Variants in CHN2 observed in about 807,000 individuals in gnomAD.
CHN2 encodes the protein chimerin 2.
In CHN2, 35 loss-of-function variants were observed where a neutral mutation model predicts 56.3. The ratio of observed to expected loss-of-function variants is 0.62; its 90% CI spans 0.47 to 0.82. CHN2 has a LOEUF of 0.82. Ranked by LOEUF, CHN2 falls within the 40% of genes least tolerant of loss-of-function variation. The pLI is 0.00. For missense variants in CHN2, 491 were observed against 580.5 expected, an observed-to-expected ratio of 0.85 and a Z score of 1.58; for synonymous variants, 210 against 212.8, an observed-to-expected ratio of 0.99 and a Z score of 0.12.
intron 1 of CHN2, among the ~76,000 whole-genome samples, chr7:29,302,323 C>G (rs1793751987): frequency 6.6e-6 from 1 of 151,404 alleles, no homozygotes; most frequent in African/African-American, 2.4e-5. Context: ...TTCCTTCCTT[C>G]TTTCTTCGTA....
At chr7:29,295,134 A>G (rs1176976570) in intron 1 of CHN2, among the ~76,000 whole-genome samples, 1 of 152,228 alleles carries the variant, frequency 6.6e-6, no homozygotes, top group African/African-American at 2.4e-5. Flanking sequence ...TGTAAATGCT[A>G]TGTAAATAGT....
intron 2 of CHN2, among the ~76,000 whole-genome samples, chr7:29,175,955 G>A (rs1441973401): frequency 6.6e-6 from 1 of 152,144 alleles, no homozygotes; most frequent in African/African-American, 2.4e-5. Flanking sequence ...GGGAGGCCGA[G>A]GCGGGAAGAT....
At position 29,451,033 on chromosome 7, in the gene CHN2, T is replaced by C. The variant is rs948033764; in HGVS notation, c.577-29246T>C. 2.3e-4 allele frequency among the ~76,000 whole-genome samples: 35 copies of C among 152,252 alleles called. 1 individual carries two copies. Among genetic ancestry groups the C allele is most frequent in the Middle Eastern group, 6.8e-3 (2 of 294 alleles). On this transcript the variant is annotated intron_variant, in intron 6 of 12. Transcript: ENST00000222792. ...ATCTACCCACCTCGGCCTCCCAAAGTGCTGGGATTATAGGCGTGAGCCATC... is the reference window on the plus strand; with the variant it reads ...ATCTACCCACCTCGGCCTCCCAAAGCGCTGGGATTATAGGCGTGAGCCATC...
intron 1 of CHN2, among the ~76,000 whole-genome samples, chr7:29,280,256 C>CAT (rs1791582941): frequency 1.3e-5 from 2 of 151,812 alleles, no homozygotes; most frequent in Non-Finnish European, 2.9e-5. Context: ...TGGTGGTGGG[C>CAT]GCCTGTAGTC....
chr7:29,295,154 G>A (rs566721394), intron 1 of CHN2, among the ~76,000 whole-genome samples: 1 of 152,168 alleles, frequency 6.6e-6, no homozygotes, highest in Admixed American at 6.5e-5. Context: ...TTGTTACTCT[G>A]TATTGTTTAG....
chr7:29,361,751 A>T (rs1452720579), intron 2 of CHN2, among the ~76,000 whole-genome samples: 6 of 152,226 alleles, frequency 3.9e-5, no homozygotes, highest in Non-Finnish European at 8.8e-5. Flanking sequence ...ATGTTCCATC[A>T]CCTGCATCCT....
chr7:29,488,893 A>G (rs1198960192), intron 7 of CHN2, among the ~76,000 whole-genome samples: 1 of 152,230 alleles, frequency 6.6e-6, no homozygotes, highest in Non-Finnish European at 1.5e-5. Context: ...ATCATGATGT[A>G]TACTGGTAAG....
intron 2 of CHN2, among the ~76,000 whole-genome samples, chr7:29,158,465 G>C (rs138160081): frequency 6.6e-5 from 10 of 152,310 alleles, no homozygotes; most frequent in African/African-American, 2.2e-4. Flanking sequence ...AGTGGGGATA[G>C]CTGAATCCTG....
chr7:29,313,383 G>A (rs1272028168), intron 1 of CHN2, among the ~76,000 whole-genome samples: 1 of 152,182 alleles, frequency 6.6e-6, no homozygotes, highest in East Asian at 1.9e-4. Flanking sequence ...TGAAATAGAG[G>A]AACTCTGGTG....
intron 7 of CHN2, chr7:29,483,750 A>G (rs1047181468): frequency 1.8e-5 from 18 of 1,011,236 alleles, no homozygotes; most frequent in Middle Eastern, 4.4e-4. Flanking sequence ...AGCTCTGAAA[A>G]TCTTCAGGCC....
At chr7:29,269,672 A>G (rs1338525122) in intron 1 of CHN2, among the ~76,000 whole-genome samples, 1 of 152,218 alleles carries the variant, frequency 6.6e-6, no homozygotes, top group Non-Finnish European at 1.5e-5. Context: ...CCCACCAGCA[A>G]TGTAAGAGGA....
At chr7:29,367,380 G>A (rs1283420601) in intron 2 of CHN2, among the ~76,000 whole-genome samples, 1 of 152,158 alleles carries the variant, frequency 6.6e-6, no homozygotes, top group African/African-American at 2.4e-5. Flanking sequence ...ATGTGAATTT[G>A]CAGTGTGATA....
At chr7:29,264,522 G>C (rs904322705) in intron 1 of CHN2, among the ~76,000 whole-genome samples, 3 of 152,180 alleles carry the variant, frequency 2.0e-5, no homozygotes, top group African/African-American at 7.2e-5. Context: ...GCCCAACCCC[G>C]TGCTCTCTGA....
chr7:29,161,317 C>T (rs1157633435), intron 2 of CHN2, among the ~76,000 whole-genome samples: 1 of 152,188 alleles, frequency 6.6e-6, no homozygotes, highest in Admixed American at 6.5e-5. Context: ...TCCTAAAACA[C>T]TCCCTATAGC....
At chr7:29,363,030 G>A (rs1057282527) in intron 2 of CHN2, among the ~76,000 whole-genome samples, 6 of 152,298 alleles carry the variant, frequency 3.9e-5, no homozygotes, top group East Asian at 3.9e-4. Context: ...GGATTCTCTC[G>A]CTGTGGATTC....
At chr7:29,179,306 G>A (rs960500383) in intron 2 of CHN2, among the ~76,000 whole-genome samples, 2 of 152,214 alleles carry the variant, frequency 1.3e-5, no homozygotes, top group Admixed American at 1.3e-4. Context: ...AAGTCATGAG[G>A]AAGAGTGCTC....
intron 6 of CHN2, among the ~76,000 whole-genome samples, chr7:29,421,866 C>G (rs1562594373): frequency 6.6e-6 from 1 of 152,126 alleles, no homozygotes; most frequent in Non-Finnish European, 1.5e-5. Context: ...GTGATTTTCT[C>G]AGAGGGGAAG....
intron 6 of CHN2, among the ~76,000 whole-genome samples, chr7:29,459,236 G>A (rs760356730): frequency 7.2e-5 from 11 of 152,180 alleles, no homozygotes; most frequent in Non-Finnish European, 1.3e-4. Context: ...TCTTTCCAAA[G>A]ACTTGTAGGA....
At chr7:29,342,253 T>C (rs1369669546) in intron 1 of CHN2, among the ~76,000 whole-genome samples, 1 of 152,116 alleles carries the variant, frequency 6.6e-6, no homozygotes, top group East Asian at 1.9e-4. Flanking sequence ...GATGAATGGA[T>C]GGAGAGATTA....
Sources: allele counts gnomAD v4.1 joint callset (sites outside exome capture counted in the v4.1 genomes callset), GRCh38; gene constraint gnomAD v4.1.1; transcripts MANE v1.5; gene names NCBI Gene and HGNC (gene_info 2026-07-23, HGNC 2026-07-21).